Variants in MDN1 observed in about 807,000 individuals in gnomAD.
The protein encoded by MDN1 is midasin AAA ATPase 1, also known as midasin.
Under a neutral mutation model 669.2 loss-of-function variants are expected in MDN1, and 266 were observed. The observed-to-expected ratio is 0.40, with a 90% CI of 0.36 to 0.44. MDN1 has a LOEUF of 0.44. MDN1 is among the 20% of genes least tolerant of loss of function. The probability of loss-of-function intolerance (pLI) is 1.00; values close to 1 mark genes in which losing one functional copy is unlikely to be tolerated. For missense variants in MDN1, 5,940 were observed against 6,754.0 expected (o/e 0.88, Z 4.22); for synonymous variants, 2,385 against 2,457.1 (o/e 0.97, Z 0.87).
chr6:89,725,930 T>TACACAC lies in MDN1; in HGVS notation c.5473-540_5473-535dup, dbSNP rs71024397. Among the ~76,000 whole-genome samples the TACACAC allele has an allele frequency of 2.1e-3, 308 of 147,578 alleles. No individual in the cohort carries two copies. The South Asian group carries it at 0.025, about 12-fold the overall frequency. ...GTTAGAGATTTTGTCTGGTATTTTA[T>TACACAC]ACACACACACACACACACACACACA... On this transcript the variant is annotated intron_variant, in intron 37 of 101. Coordinates refer to ENST00000369393, the MANE Select transcript of MDN1 (RefSeq NM_014611.3).
intron 1 of MDN1, among the ~76,000 whole-genome samples, chr6:89,804,524 C>T (rs1767885810): frequency 6.6e-6 from 1 of 152,074 alleles, no homozygotes; most frequent in South Asian, 2.1e-4. Context: ...CCCAAAATTC[C>T]CCCAGCTCCT....
chr6:89,791,284 T>C (rs893687796), intron 5 of MDN1, among the ~76,000 whole-genome samples: 5 of 152,150 alleles, frequency 3.3e-5, no homozygotes, highest in Non-Finnish European at 5.9e-5. Flanking sequence ...CCATCTAAGA[T>C]CACAAATATA....
chr6:89,751,433 T>C lies in MDN1; in HGVS notation c.3225A>G (p.Ala1075=), dbSNP rs769356869. The C allele has an allele frequency of 1.9e-6, 3 of 1,614,138 alleles. No individual in the cohort carries two copies. Among genetic ancestry groups the C allele is most frequent in the South Asian group, 2.2e-5 (2 of 91,082 alleles). The change falls in exon 23 of 102, where the codon GCA becomes GCG. Residue 1075 remains alanine (A), a splice_region_variant and synonymous_variant. Transcript: ENST00000369393. ...CAGCGAGAAAAAAGCCCACACACCC[T>C]GCAGAGACAACTCGGACTATATCTC... ...NLRDIVRVVS[A]GTYPVLIQGE...
At chr6:89,689,695 C>T (rs1812250031) in intron 65 of MDN1, among the ~76,000 whole-genome samples, 175 bp downstream of exon 65, 1 of 152,182 alleles carries the variant, frequency 6.6e-6, no homozygotes, top group African/African-American at 2.4e-5. Context: ...CATCTTATTA[C>T]AGAATCCTAA....
chr6:89,806,822 G>C (rs997794420), intron 1 of MDN1, among the ~76,000 whole-genome samples: 2 of 151,872 alleles, frequency 1.3e-5, no homozygotes, highest in Admixed American at 6.6e-5. Context: ...TGGAGAGTGA[G>C]GAGAGGATCA....
intron 36 of MDN1, 76 bp downstream of exon 36, chr6:89,728,855 G>T: frequency 7.0e-7 from 1 of 1,424,190 alleles, no homozygotes; most frequent in South Asian, 1.2e-5. Context: ...AATCATTTCT[G>T]ATTAGGCAAA....
intron 59 of MDN1, among the ~76,000 whole-genome samples, chr6:89,697,170 T>G (rs1271917892): frequency 1.3e-5 from 2 of 152,182 alleles, no homozygotes; most frequent in African/African-American, 4.8e-5. Context: ...TTTGGGGCAA[T>G]AAGGCATTTC....
chr6:89,699,164 T>C (rs1812971421), intron 58 of MDN1, 129 bp from the exon 59 acceptor site: 1 of 795,316 alleles, frequency 1.3e-6, no homozygotes, highest in Non-Finnish European at 1.9e-6. Flanking sequence ...ATTTTTCCGT[T>C]TCTCTGCCAC....
At position 89,672,548 on chromosome 6, in the gene MDN1, A is replaced by G; in HGVS notation, c.13629T>C (p.Tyr4543=). The change falls in exon 81 of 102, where the codon TAT becomes TAC. Residue 4543 remains tyrosine (Y), a splice_region_variant and synonymous_variant. Transcript: ENST00000369393. ...NTDQASPQED[Y]AGFERLQSGH... ...ATTTCTGCCTGATTTCAGACATACC[A>G]TAATCTTCTTGTGGGCTTGCTTGGT... 1 of 1,611,306 alleles carries G rather than the reference A, an allele frequency of 6.2e-7. No homozygotes were observed. Among genetic ancestry groups the G allele is most frequent in the Non-Finnish European group, 8.5e-7 (1 of 1,179,174 alleles).
In MDN1 at chr6:89,743,160, T is replaced by C. The variant is rs1403065113; in HGVS notation, c.4438A>G (p.Arg1480Gly). The change falls in exon 31 of 102, where the codon AGA becomes GGA. Residue 1480 changes from arginine (R) to glycine (G), a missense_variant. By Grantham distance (125) the Arg-to-Gly change is moderately radical. Around this residue, in one of 5 missense-constraint regions of MDN1, gnomAD observed 2,292 missense variants for 2,638.3 expected, o/e 0.87. Transcript: ENST00000369393. Reference protein sequence around the residue: ...ISLADDSVLERLNSVLEVEKS... With the variant: ...ISLADDSVLEGLNSVLEVEKS... ...CTCTCAGGCACGTACCTGTTGAGTC[T>C]TTCCAAGACAGAGTCATCGGCCAAT... The C allele has an allele frequency of 5.0e-6, 8 of 1,613,998 alleles. No homozygotes were observed. In the East Asian group the frequency reaches 1.3e-4, roughly 27 times the overall value.
chr6:89,815,471 G>T, intron 1 of MDN1: 1 of 322,702 alleles, frequency 3.1e-6, no homozygotes, highest in South Asian at 2.4e-5. Flanking sequence ...TGAGCTTCCT[G>T]GCGGAAGCTC....
intron 73 of MDN1, 46 bp from the exon 74 acceptor site, chr6:89,680,797 C>T (rs775181205): frequency 6.9e-6 from 11 of 1,593,230 alleles, no homozygotes; most frequent in Non-Finnish European, 9.4e-6. Context: ...GAATGACAGG[C>T]AGTGTCCCTG....
At chr6:89,778,443 T>C (rs1270147960) in intron 11 of MDN1, among the ~76,000 whole-genome samples, 2 of 152,104 alleles carry the variant, frequency 1.3e-5, no homozygotes, top group African/African-American at 4.8e-5. Flanking sequence ...GGAAAACTTA[T>C]ACCCAGAAAT....
At chr6:89,790,098 T>G in intron 6 of MDN1, 61 bp downstream of exon 6, 1 of 1,609,162 alleles carries the variant, frequency 6.2e-7, no homozygotes, top group South Asian at 1.1e-5. Context: ...GCAAAAGCAA[T>G]ATTTTAATGC....
intron 2 of MDN1, among the ~76,000 whole-genome samples, chr6:89,800,696 C>A (rs779477644): frequency 6.6e-6 from 1 of 152,088 alleles, no homozygotes; most frequent in African/African-American, 2.4e-5. Flanking sequence ...AGAGGTGAGT[C>A]AAGGAAGTCT....
intron 27 of MDN1, among the ~76,000 whole-genome samples, chr6:89,746,212 C>T (rs1213667235): frequency 1.3e-5 from 2 of 152,164 alleles, no homozygotes; most frequent in Admixed American, 6.5e-5. Flanking sequence ...AAGAGACCTA[C>T]TGAGTTATTG....
intron 88 of MDN1, 77 bp downstream of exon 88, chr6:89,661,354 C>T: frequency 6.6e-7 from 1 of 1,507,350 alleles, no homozygotes. Flanking sequence ...TGACACTGAG[C>T]TAGCTTTCAA....
chr6:89,724,080 T>C (rs897440365), intron 38 of MDN1, among the ~76,000 whole-genome samples: 1 of 151,780 alleles, frequency 6.6e-6, no homozygotes, highest in Non-Finnish European at 1.5e-5. Context: ...GAGGAGGAGA[T>C]TGCAGTGAGC....
At chr6:89,732,834 T>C (rs546209394) in intron 33 of MDN1, 59 bp from the exon 34 acceptor site, 2 of 1,522,202 alleles carry the variant, frequency 1.3e-6, no homozygotes, top group South Asian at 1.2e-5. Flanking sequence ...GAACAAAAGT[T>C]CATAACCAGG....
Sources: gnomAD v4.1 joint callset for allele counts (sites outside exome capture counted in the v4.1 genomes callset) on GRCh38, gnomAD v4.1.1 for gene constraint, gnomAD v4.1.1 regional missense constraint, MANE v1.5 for transcripts, NCBI Gene and HGNC (gene_info 2026-07-23, HGNC 2026-07-21) for gene names.